The following PDE3A variants were observed in gnomAD, a reference collection of about 807,000 sequenced individuals.
PDE3A encodes cGMP-inhibited 3',5'-cyclic phosphodiesterase 3A.
A neutral mutation model predicts 98.3 loss-of-function variants in PDE3A; 43 were observed. That is an observed-to-expected ratio of 0.44 (90% CI 0.34 to 0.56). The LOEUF is 0.56. Among genes scored for constraint, PDE3A ranks in the 20% least tolerant of loss-of-function variants. The pLI, the probability that PDE3A is intolerant of heterozygous loss-of-function variation, is 0.01. For missense variants in PDE3A, 1,427 were observed against 1,440.7 expected (o/e 0.99, Z 0.15); for synonymous variants, 663 against 567.9 (o/e 1.17, Z -2.38).
intron 2 of PDE3A, among the ~76,000 whole-genome samples, chr12:20,610,852 A>AGAT (rs1943830523): frequency 6.6e-6 from 1 of 151,940 alleles, no homozygotes; most frequent in Non-Finnish European, 1.5e-5. Context: ...GAATATTCAG[A>AGAT]GATAGAGAAT....
chr12:20,509,085 T>C (rs1362782039), intron 1 of PDE3A, among the ~76,000 whole-genome samples: 1 of 152,036 alleles, frequency 6.6e-6, no homozygotes, highest in East Asian at 1.9e-4. Flanking sequence ...TGTGACATTG[T>C]GCGTCATCAA....
chr12:20,464,553 A>G (rs923716177), intron 1 of PDE3A, among the ~76,000 whole-genome samples: 6 of 152,294 alleles, frequency 3.9e-5, no homozygotes, highest in African/African-American at 1.4e-4. Context: ...TACTCTATAT[A>G]AGTAAGATTT....
intron 1 of PDE3A, among the ~76,000 whole-genome samples, chr12:20,515,975 G>T (rs1306157598): frequency 2.0e-5 from 3 of 149,422 alleles, no homozygotes; most frequent in Non-Finnish European, 3.0e-5. Context: ...CTCGTGATCC[G>T]CCCGCCTCGG....
At chr12:20,394,027 G>T (rs146572078) in intron 1 of PDE3A, among the ~76,000 whole-genome samples, 1 of 152,120 alleles carries the variant, frequency 6.6e-6, no homozygotes, top group African/African-American at 2.4e-5. Flanking sequence ...ACCTAGAAGG[G>T]CATGAACCTA....
intron 10 of PDE3A, among the ~76,000 whole-genome samples, chr12:20,642,973 A>G (rs1944679055): frequency 6.6e-6 from 1 of 152,158 alleles, no homozygotes; most frequent in Non-Finnish European, 1.5e-5. Flanking sequence ...TACAACTCCA[A>G]CCCTCCATAC....
At chr12:20,496,144 T>A (rs1945914721) in intron 1 of PDE3A, among the ~76,000 whole-genome samples, 1 of 152,172 alleles carries the variant, frequency 6.6e-6, no homozygotes, top group South Asian at 2.1e-4. Context: ...CAAGAAATCA[T>A]GTGCTGTTCT....
chr12:20,370,555 G>A (rs1359420512), intron 1 of PDE3A, among the ~76,000 whole-genome samples: 1 of 151,896 alleles, frequency 6.6e-6, no homozygotes, highest in African/African-American at 2.4e-5. Context: ...CCTGGTGTAT[G>A]GCTTGCCTAC....
intron 1 of PDE3A, among the ~76,000 whole-genome samples, chr12:20,441,168 AT>A (rs1342646096): frequency 1.4e-4 from 22 of 152,196 alleles, no homozygotes; most frequent in African/African-American, 5.3e-4. Flanking sequence ...AATTCTGCAA[AT>A]ATATAATTAA....
intron 2 of PDE3A, among the ~76,000 whole-genome samples, chr12:20,590,821 G>T (rs1449046529): frequency 1.3e-5 from 2 of 152,088 alleles, no homozygotes; most frequent in East Asian, 3.9e-4. Flanking sequence ...GTATACTTGG[G>T]CCTAAATCCC....
intron 2 of PDE3A, among the ~76,000 whole-genome samples, chr12:20,604,909 G>A (rs1044365789): frequency 1.3e-5 from 2 of 152,130 alleles, no homozygotes; most frequent in South Asian, 2.1e-4. Flanking sequence ...GCCAGTTTCC[G>A]TTTCTTTATA....
chr12:20,493,832 G>C (rs768798763), intron 1 of PDE3A, among the ~76,000 whole-genome samples: 10 of 152,164 alleles, frequency 6.6e-5, no homozygotes, highest in Non-Finnish European at 8.8e-5. Context: ...GTTTCTCCAT[G>C]TTGGTCAGGC....
chr12:20,552,782 T>A lies in PDE3A; in HGVS notation c.961-3878T>A, dbSNP rs1269472295. 16 of 1,613,872 alleles carry A rather than the reference T, an allele frequency of 9.9e-6. No homozygotes were observed. Among genetic ancestry groups the A allele is most frequent in the African/African-American group, 1.3e-5 (1 of 74,926 alleles). On this transcript the variant is annotated intron_variant, in intron 1 of 15. Transcript: ENST00000359062. This position sits in a 1 kb window ranked among gnomAD's most constrained non-coding sequence, Gnocchi z 5.1. The stretch of plus-strand genomic sequence containing the variant: ...CCGTTCCAGTTGTTCCTGAGTAAAG[T>A]GGAGGAGACGTTCCAGTGTATCTGC...
chr12:20,597,389 G>A (rs1259543381), intron 2 of PDE3A, among the ~76,000 whole-genome samples: 1 of 152,058 alleles, frequency 6.6e-6, no homozygotes, highest in Non-Finnish European at 1.5e-5. Flanking sequence ...AGACTTATAG[G>A]GGCTCAAGAT....
intron 1 of PDE3A, among the ~76,000 whole-genome samples, chr12:20,542,436 T>TACACACACACAC (rs57427303): frequency 6.7e-6 from 1 of 149,834 alleles, no homozygotes; most frequent in African/African-American, 2.5e-5. Context: ...CGTAACAGCA[T>TACACACACACAC]ACACACACAC....
At chr12:20,663,792 G>C (rs963259947) in intron 15 of PDE3A, among the ~76,000 whole-genome samples, 1 of 152,180 alleles carries the variant, frequency 6.6e-6, no homozygotes, top group Non-Finnish European at 1.5e-5. Context: ...TTGGGTTAAT[G>C]CTGGAATGAG....
intron 1 of PDE3A, among the ~76,000 whole-genome samples, chr12:20,393,612 A>G (rs1013604365): frequency 4.6e-5 from 7 of 152,050 alleles, no homozygotes; most frequent in African/African-American, 1.7e-4. Context: ...CATATACCCC[A>G]AACTATGTAC....
chr12:20,493,793 G>A (rs1485412228), intron 1 of PDE3A, among the ~76,000 whole-genome samples: 2 of 152,176 alleles, frequency 1.3e-5, no homozygotes, highest in Non-Finnish European at 2.9e-5. Context: ...ACCAAGCCCA[G>A]CTAATTTTGT....
At position 20,369,366 on chromosome 12, in the gene PDE3A, G is replaced by C. The variant is rs1192253197; in HGVS notation, c.82G>C (p.Asp28His). Residue 28 changes from aspartate (D) to histidine (H), a missense_variant, in exon 1 of 16, where the codon GAC (aspartate) becomes CAC (histidine). Asp to His is a moderately conservative substitution (Grantham distance 81, BLOSUM62 -1). Coordinates refer to ENST00000359062, the MANE Select transcript of PDE3A (RefSeq NM_000921.5). The part of the protein sequence containing the change: ...GVSQAPTAGR[D>H]CHHRADPASP... ...GAGTCAAGCCCCCACGGCGGGCCGG[G>C]ACTGCCACCATCGTGCGGACCCCGC... The C allele has an allele frequency of 6.5e-7, 1 of 1,549,458 alleles. No individual in the cohort carries two copies. The highest frequency in any genetic ancestry group is 1.2e-5 in the South Asian group (1 of 83,984).
chr12:20,677,713 C>G (rs1166659547), intron 15 of PDE3A, among the ~76,000 whole-genome samples: 15 of 152,166 alleles, frequency 9.9e-5, no homozygotes. Context: ...CCTGTCTCAG[C>G]CTTCCAAAGT....
Sources: gnomAD v4.1 joint callset for allele counts (sites outside exome capture counted in the v4.1 genomes callset) on GRCh38, gnomAD v4.1.1 for gene constraint, Gnocchi (gnomAD v3.1) non-coding constraint, MANE v1.5 for transcripts, NCBI Gene and HGNC (gene_info 2026-07-23, HGNC 2026-07-21) for gene names.